Variants in MYO5C observed in about 807,000 individuals in gnomAD.
MYO5C encodes myosin VC.
MYO5C carries 194 observed loss-of-function variants against 235.7 expected under a neutral mutation model. The observed-to-expected ratio is 0.82, with a 90% CI of 0.73 to 0.93. The LOEUF (loss-of-function observed/expected upper bound fraction) is 0.93. Among genes scored for constraint, MYO5C ranks in the 40% least tolerant of loss-of-function variants. MYO5C has a pLI of 0.00. For missense variants in MYO5C, 2,038 were observed against 2,127.2 expected (o/e 0.96, Z 0.82); for synonymous variants, 707 against 754.8 (o/e 0.94, Z 1.04).
At position 52,279,583 on chromosome 15, in the gene MYO5C, T is replaced by C. The variant is rs779113291; in HGVS notation, c.230A>G (p.Tyr77Cys). 3.1e-6 allele frequency: 5 copies of C among 1,614,162 alleles called. No homozygotes were observed. The highest frequency in any genetic ancestry group is 2.7e-5 in the African/African-American group (2 of 75,038). ...GTGGAGCACCGCGGGCTCGTGAAGATAGCTGAGAGCCGTGAGGTCATTCTC... is the reference window on the plus strand; with the variant it reads ...GTGGAGCACCGCGGGCTCGTGAAGACAGCTGAGAGCCGTGAGGTCATTCTC... ...VGENDLTALS[Y>C]LHEPAVLHNL... Residue 77 changes from tyrosine to cysteine, a missense_variant, in exon 3 of 41, where the codon TAT becomes TGT. Physicochemically the swap from Tyr to Cys is radical, Grantham distance 194. Coordinates refer to ENST00000261839, the MANE Select transcript of MYO5C (RefSeq NM_018728.4).
At chr15:52,231,443 G>A (rs1438776161) in intron 24 of MYO5C, among the ~76,000 whole-genome samples, 1 of 152,160 alleles carries the variant, frequency 6.6e-6, no homozygotes, top group Non-Finnish European at 1.5e-5. Context: ...TCACTCCCAA[G>A]TGGTCCCTGC....
At chr15:52,279,733 G>T in intron 2 of MYO5C, 59 bp from the exon 3 acceptor site, 1 of 1,527,106 alleles carries the variant, frequency 6.5e-7, no homozygotes, top group Non-Finnish European at 8.9e-7. Flanking sequence ...TGTTTCTGTT[G>T]AAGCACTGTC....
In MYO5C at chr15:52,195,458, C is replaced by T. The variant is rs781387845; in HGVS notation, c.4996-1G>A. 10 of 1,602,736 alleles carry T rather than the reference C, an allele frequency of 6.2e-6. No homozygotes were observed. In the South Asian group the frequency reaches 8.9e-5, roughly 14 times the overall value. ...TGTATGAATTAAGGATCTTTATGATCTGCAAACGGTACATAACATGGTGTT... is the reference window on the plus strand; with the variant it reads ...TGTATGAATTAAGGATCTTTATGATTTGCAAACGGTACATAACATGGTGTT... On this transcript the variant is annotated splice_acceptor_variant, in intron 39 of 40. Coordinates refer to ENST00000261839, the MANE Select transcript of MYO5C (RefSeq NM_018728.4). LOFTEE classifies it high-confidence loss of function.
At chr15:52,225,381 C>G in intron 26 of MYO5C, 58 bp downstream of exon 26, 1 of 1,371,736 alleles carries the variant, frequency 7.3e-7, no homozygotes. Flanking sequence ...TTAGCAGCGA[C>G]ACAGCTATGA....
intron 32 of MYO5C, 90 bp from the exon 33 acceptor site, chr15:52,214,780 T>A: frequency 1.3e-6 from 1 of 749,960 alleles, no homozygotes; most frequent in Non-Finnish European, 2.1e-6. Context: ...TGACATACAA[T>A]TTGCATACCG....
intron 25 of MYO5C, 37 bp from the exon 26 acceptor site, chr15:52,225,569 A>AACAACGATT (rs2035803574): frequency 1.4e-6 from 2 of 1,406,858 alleles, no homozygotes; most frequent in Non-Finnish European, 2.0e-6. Flanking sequence ...GTAAAGAAAA[A>AACAACGATT]ACAACGATTA....
intron 16 of MYO5C, 65 bp from the exon 17 acceptor site, chr15:52,246,107 C>T: frequency 7.8e-7 from 1 of 1,282,212 alleles, no homozygotes; most frequent in Non-Finnish European, 1.1e-6. Flanking sequence ...CATAAACAGG[C>T]ACAGCAGACC....
At chr15:52,270,565 A>ACT (rs929076530) in intron 7 of MYO5C, among the ~76,000 whole-genome samples, 2 of 148,946 alleles carry the variant, frequency 1.3e-5, no homozygotes, top group African/African-American at 4.9e-5. Flanking sequence ...CCGGATAATG[A>ACT]CTCTCTCTCT....
At chr15:52,264,403 C>G (rs1317136501) in intron 8 of MYO5C, 107 bp from the exon 9 acceptor site, 2 of 889,556 alleles carry the variant, frequency 2.2e-6, no homozygotes, top group East Asian at 2.6e-5. Context: ...GTGCCAAGCT[C>G]TGGGACAGGA....
intron 16 of MYO5C, 55 bp downstream of exon 16, chr15:52,246,862 T>C (rs2036358893): frequency 6.9e-7 from 1 of 1,456,100 alleles, no homozygotes; most frequent in Admixed American, 1.9e-5. Context: ...TCTCCAACTT[T>C]ATGGCAGAAA....
chr15:52,194,354 G>A (rs1410713872), intron 40 of MYO5C, among the ~76,000 whole-genome samples: 1 of 152,156 alleles, frequency 6.6e-6, no homozygotes, highest in Non-Finnish European at 1.5e-5. Context: ...ATAATTCTAA[G>A]GTCAAACATG....
intron 10 of MYO5C, among the ~76,000 whole-genome samples, chr15:52,260,618 C>T (rs1391502471): frequency 6.6e-6 from 1 of 152,228 alleles, no homozygotes; most frequent in South Asian, 2.1e-4. Flanking sequence ...GCCAAGCAGC[C>T]TCAGAGCTGG....
chr15:52,226,573 A>C (rs1416404027), intron 25 of MYO5C, among the ~76,000 whole-genome samples: 1 of 152,204 alleles, frequency 6.6e-6, no homozygotes, highest in Non-Finnish European at 1.5e-5. Context: ...ATATGTGCTG[A>C]GCACTTTACC....
intron 7 of MYO5C, among the ~76,000 whole-genome samples, chr15:52,270,595 T>G (rs2036897646): frequency 6.6e-6 from 1 of 151,342 alleles, no homozygotes; most frequent in African/African-American, 2.4e-5. Context: ...TATATGTATA[T>G]ATACACACAC....
chr15:52,205,939 G>T lies in MYO5C; in HGVS notation c.4414C>A (p.Gln1472Lys), dbSNP rs374147983. The T allele has an allele frequency of 2.3e-5, 37 of 1,589,780 alleles. No homozygotes were observed. The highest frequency in any genetic ancestry group is 3.1e-5 in the Non-Finnish European group (36 of 1,168,298). ...EEFMKHNSPQ[Q>K]NKNCLNNFDL... ...AAATTGTTCAAGCAATTCTTATTCT[G>T]CTGTGGACTATTATGCTTCATGAAT... Residue 1472 changes from glutamine (Q) to lysine (K), a missense_variant, in exon 37 of 41, where the codon CAG (glutamine) becomes AAG (lysine). By Grantham distance (53) the Gln-to-Lys change is moderately conservative. Coordinates refer to ENST00000261839, the MANE Select transcript of MYO5C (RefSeq NM_018728.4).
intron 25 of MYO5C, among the ~76,000 whole-genome samples, chr15:52,226,191 T>C (rs1316541557): frequency 6.6e-6 from 1 of 152,212 alleles, no homozygotes. Flanking sequence ...AATAAAATAT[T>C]GAGTGCAAGG....
intron 1 of MYO5C, among the ~76,000 whole-genome samples, chr15:52,295,389 C>A (rs1429511298): frequency 6.6e-6 from 1 of 152,156 alleles, no homozygotes; most frequent in Non-Finnish European, 1.5e-5. Flanking sequence ...TACCCGCGGG[C>A]AGGGACGGAG....
At chr15:52,280,077 G>GC (rs139338823) in intron 2 of MYO5C, among the ~76,000 whole-genome samples, 2,141 of 152,302 alleles carry the variant, frequency 0.014, 45 homozygotes, top group African/African-American at 0.05. Context: ...TTGAGGCCAT[G>GC]CAAGTTTTCA....
At chr15:52,270,982 T>G (rs1383809524) in intron 7 of MYO5C, among the ~76,000 whole-genome samples, 1 of 152,208 alleles carries the variant, frequency 6.6e-6, no homozygotes, top group African/African-American at 2.4e-5. Context: ...GCTCGGGGCC[T>G]TTTGTACTGA....
Sources: allele counts gnomAD v4.1 joint callset (sites outside exome capture counted in the v4.1 genomes callset), GRCh38; gene constraint gnomAD v4.1.1; transcripts MANE v1.5; gene names NCBI Gene and HGNC (gene_info 2026-07-23, HGNC 2026-07-21).